The following MGAT4C variants were observed in gnomAD, a reference collection of about 807,000 sequenced individuals.
MGAT4C encodes the protein alpha-1,3-mannosyl-glycoprotein 4-beta-N-acetylglucosaminyltransferase C.
A neutral mutation model predicts 40.1 loss-of-function variants in MGAT4C; 19 were observed. The observed-to-expected ratio is 0.47, with a 90% CI of 0.33 to 0.70. MGAT4C has a LOEUF of 0.70. Ranked by LOEUF, MGAT4C falls within the 30% of genes least tolerant of loss-of-function variation. The probability of loss-of-function intolerance (pLI) is 0.02; values close to 1 mark genes in which losing one functional copy is unlikely to be tolerated. For missense variants in MGAT4C, 491 were observed against 563.2 expected (o/e 0.87, Z 1.30); for synonymous variants, 181 against 187.1 (o/e 0.97, Z 0.27).
chr12:86,469,054 C>T (rs563444924), intron 2 of MGAT4C, among the ~76,000 whole-genome samples: 3 of 152,122 alleles, frequency 2.0e-5, no homozygotes, highest in African/African-American at 7.2e-5. Context: ...CTCACATAAC[C>T]AGAGGATTAA....
rs1873875307 is a variant in MGAT4C at position 86,096,172 on chromosome 12, C to A, written c.-56-46449G>T. 2.6e-5 allele frequency among the ~76,000 whole-genome samples: 4 copies of A among 151,652 alleles called. No homozygotes were observed. In the South Asian group the frequency reaches 8.3e-4, roughly 31 times the overall value. On this transcript the variant is annotated intron_variant, in intron 1 of 4. Coordinates refer to ENST00000611864, the MANE Select transcript of MGAT4C (RefSeq NM_001351288.2). ...GTCTCTGTTTTCCTTATAAGTATTTCATCATTTTTGCCTTAATGCCTTTTT... is the reference window on the plus strand; with the variant it reads ...GTCTCTGTTTTCCTTATAAGTATTTAATCATTTTTGCCTTAATGCCTTTTT...
At chr12:86,479,252 A>G (rs1462083283) in intron 2 of MGAT4C, among the ~76,000 whole-genome samples, 1 of 152,064 alleles carries the variant, frequency 6.6e-6, no homozygotes, top group Non-Finnish European at 1.5e-5. Context: ...AGAGCCTGCC[A>G]ATATAAAAAT....
chr12:86,446,075 GTA>G (rs954742247), intron 2 of MGAT4C, among the ~76,000 whole-genome samples: 1 of 151,688 alleles, frequency 6.6e-6, no homozygotes, highest in Admixed American at 6.6e-5. Context: ...GTGTGTGTCT[GTA>G]TATATATATG....
chr12:86,169,904 T>C (rs982524205), intron 1 of MGAT4C, among the ~76,000 whole-genome samples: 3 of 152,198 alleles, frequency 2.0e-5, no homozygotes, highest in African/African-American at 7.2e-5. Flanking sequence ...GCATATTTAA[T>C]GGTATCCTCA....
At chr12:86,157,235 T>A (rs1004175979) in intron 1 of MGAT4C, among the ~76,000 whole-genome samples, 3 of 152,222 alleles carry the variant, frequency 2.0e-5, no homozygotes, top group African/African-American at 7.2e-5. Flanking sequence ...TACATTTTCC[T>A]CTTTTTAACT....
chr12:86,206,336 T>C (rs1342478578), intron 1 of MGAT4C, among the ~76,000 whole-genome samples: 1 of 152,216 alleles, frequency 6.6e-6, no homozygotes, highest in African/African-American at 2.4e-5. Flanking sequence ...GCTTGGATTA[T>C]AAAACACTTT....
At chr12:86,653,318 A>G (rs114057472) in intron 2 of MGAT4C, among the ~76,000 whole-genome samples, 2,912 of 151,864 alleles carry the variant, frequency 0.019, 38 homozygotes, top group African/African-American at 0.041. Context: ...ACTTCCGCTC[A>G]CCTCAAAAAG....
intron 2 of MGAT4C, among the ~76,000 whole-genome samples, chr12:86,043,963 C>G (rs1479931581): frequency 6.6e-6 from 1 of 152,192 alleles, no homozygotes; most frequent in Non-Finnish European, 1.5e-5. Context: ...TTTTGAGTTA[C>G]CAGAGTTCTT....
chr12:86,054,717 T>TA (rs148983465), intron 1 of MGAT4C, among the ~76,000 whole-genome samples: 11,063 of 151,710 alleles, frequency 0.073, 613 homozygotes, highest in Admixed American at 0.15. Flanking sequence ...TAAATTAGCT[T>TA]AAAAAAACAA....
intron 2 of MGAT4C, among the ~76,000 whole-genome samples, chr12:86,526,355 A>G (rs2136366727): frequency 6.6e-6 from 1 of 152,206 alleles, no homozygotes; most frequent in African/African-American, 2.4e-5. Context: ...GTGCATGTAC[A>G]CATGCACACT....
At chr12:86,760,193 G>A (rs1392388593) in intron 1 of MGAT4C, among the ~76,000 whole-genome samples, 4 of 152,000 alleles carry the variant, frequency 2.6e-5, no homozygotes, top group African/African-American at 9.7e-5. Flanking sequence ...TCAAAAAACG[G>A]TGCTGGGAAA....
At chr12:86,104,916 T>C (rs1426581891) in intron 1 of MGAT4C, among the ~76,000 whole-genome samples, 2 of 152,112 alleles carry the variant, frequency 1.3e-5, no homozygotes, top group Non-Finnish European at 2.9e-5. Context: ...TAGACTCCAA[T>C]ACTTTTAACA....
At chr12:86,761,327 T>C (rs1266263821) in intron 1 of MGAT4C, among the ~76,000 whole-genome samples, 3 of 152,178 alleles carry the variant, frequency 2.0e-5, no homozygotes, top group East Asian at 1.9e-4. Context: ...AGTACTGAGG[T>C]AGTTTGAGGC....
intron 2 of MGAT4C, among the ~76,000 whole-genome samples, chr12:86,700,996 A>T (rs1050896634): frequency 1.3e-5 from 2 of 152,140 alleles, no homozygotes; most frequent in African/African-American, 4.8e-5. Flanking sequence ...AATAAGAAAA[A>T]ATATATTAAA....
intron 2 of MGAT4C, among the ~76,000 whole-genome samples, chr12:86,590,270 TAAGAATTTC>T (rs1961270837): frequency 3.9e-4 from 2 of 5,126 alleles, no homozygotes; most frequent in African/African-American, 5.9e-4. Context: ...AGAGAAATTT[TAAGAATTTC>T]CCTGAACCAC....
At chr12:86,073,152 A>C (rs1407330814) in intron 1 of MGAT4C, among the ~76,000 whole-genome samples, 1 of 152,110 alleles carries the variant, frequency 6.6e-6, no homozygotes, top group Non-Finnish European at 1.5e-5. Context: ...AAGTCTCATG[A>C]GATATGATGG....
At chr12:86,203,055 T>TGTGTG (rs1566138917) in intron 1 of MGAT4C, among the ~76,000 whole-genome samples, 2 of 144,906 alleles carry the variant, frequency 1.4e-5, no homozygotes, top group Non-Finnish European at 3.1e-5. Flanking sequence ...TGTGTGTGTG[T>TGTGTG]TTTTACATAG....
intron 1 of MGAT4C, among the ~76,000 whole-genome samples, chr12:86,091,694 T>C (rs949115162): frequency 1.3e-5 from 2 of 152,100 alleles, no homozygotes; most frequent in Non-Finnish European, 2.9e-5. Context: ...GACTTAAATA[T>C]AGAATTTCAG....
intron 2 of MGAT4C, among the ~76,000 whole-genome samples, chr12:86,687,564 T>C (rs948148412): frequency 8.5e-5 from 13 of 152,164 alleles, no homozygotes; most frequent in African/African-American, 2.9e-4. Flanking sequence ...TTCAAACAAC[T>C]TATTTATTTC....
Sources: gnomAD v4.1 joint callset for allele counts (sites outside exome capture counted in the v4.1 genomes callset) on GRCh38, gnomAD v4.1.1 for gene constraint, MANE v1.5 for transcripts, NCBI Gene and HGNC (gene_info 2026-07-23, HGNC 2026-07-21) for gene names.